The following SLC16A4 variants were observed in gnomAD, a reference collection of about 807,000 sequenced individuals.
SLC16A4 encodes solute carrier family 16 member 4.
A neutral mutation model predicts 47.9 loss-of-function variants in SLC16A4; 39 were observed. The observed-to-expected ratio is 0.81, with a 90% CI of 0.63 to 1.06. The LOEUF (loss-of-function observed/expected upper bound fraction) is 1.06, where lower values mean the gene tolerates loss of function less well. Among genes scored for constraint, SLC16A4 ranks in the 50% least tolerant of loss-of-function variants. The pLI is 0.00. For synonymous variants in SLC16A4, 189 were observed against 199.9 expected (o/e 0.95, Z 0.46); for missense variants, 524 against 573.8 (o/e 0.91, Z 0.89).
chr1:110,389,828 A>C (rs919550674), intron 1 of SLC16A4, among the ~76,000 whole-genome samples: 4 of 152,188 alleles, frequency 2.6e-5, no homozygotes, highest in Non-Finnish European at 4.4e-5. Context: ...GTTCTCACTT[A>C]TAAGTGGGAG....
At chr1:110,380,444 A>G (rs1662309719) in intron 5 of SLC16A4, among the ~76,000 whole-genome samples, 1 of 152,328 alleles carries the variant, frequency 6.6e-6, no homozygotes, top group Non-Finnish European at 1.5e-5. Context: ...TGTGAGTTGA[A>G]TCATTTTTTA....
At chr1:110,389,894 C>A (rs1247548801) in intron 1 of SLC16A4, among the ~76,000 whole-genome samples, 1 of 152,102 alleles carries the variant, frequency 6.6e-6, no homozygotes, top group African/African-American at 2.4e-5. Context: ...CTGGGGACTA[C>A]AAGATAGGGA....
intron 6 of SLC16A4, among the ~76,000 whole-genome samples, chr1:110,377,455 A>G (rs181304236): frequency 2.0e-4 from 30 of 152,330 alleles, no homozygotes; most frequent in African/African-American, 7.0e-4. Context: ...CTGGTTACAG[A>G]GGACCCTGGG....
chr1:110,388,102 A>G (rs545730441), intron 2 of SLC16A4, among the ~76,000 whole-genome samples: 1 of 152,242 alleles, frequency 6.6e-6, no homozygotes, highest in Non-Finnish European at 1.5e-5. Flanking sequence ...TGTCGGCAAG[A>G]AAAGGGTGTT....
At chr1:110,387,617 A>G (rs1662800812) in intron 2 of SLC16A4, among the ~76,000 whole-genome samples, 1 of 152,232 alleles carries the variant, frequency 6.6e-6, no homozygotes, top group African/African-American at 2.4e-5. Context: ...TTTTCCTATC[A>G]GCAACTAAAT....
At chr1:110,383,805 G>GTTTTTTTTTTTTTTTTTTTTTTTT (rs71096348) in intron 2 of SLC16A4, among the ~76,000 whole-genome samples, 1 of 65,740 alleles carries the variant, frequency 1.5e-5, no homozygotes, top group African/African-American at 6.7e-5. Context: ...TTAAAAGGAG[G>GTTTTTTTTTTTTTTTTTTTTTTTT]TTTTTTTTTT....
At chr1:110,390,021 GTACCCCCTGAATCTAAAATA>G (rs1399007020) in intron 1 of SLC16A4, among the ~76,000 whole-genome samples, 1 of 151,990 alleles carries the variant, frequency 6.6e-6, no homozygotes, top group African/African-American at 2.4e-5. Flanking sequence ...ACCTACACAT[GTACCCCCTGAATCTAAAATA>G]AAAGTTGAAA....
At chr1:110,364,499 C>CTTTTT (rs34416973) in intron 8 of SLC16A4, among the ~76,000 whole-genome samples, 11 of 104,670 alleles carry the variant, frequency 1.1e-4, no homozygotes, top group Non-Finnish European at 1.7e-4. Flanking sequence ...AATCTAAATG[C>CTTTTT]TTTTTTTTTT....
In SLC16A4 at chr1:110,378,930, G is replaced by A. The variant is rs1205992885; in HGVS notation, c.953C>T (p.Pro318Leu). ...FLLSQLAYFI[P>L]TFHLVARAKT... ...GGCTCTGGCTACCAGGTGAAAGGTA[G>A]GGATGAAGTATGCTAACTGACTGAG... The change falls in exon 6 of 9, where the codon CCT becomes CTT. Residue 318 changes from proline (P) to leucine (L), a missense_variant. Transcript: ENST00000369779. The A allele has an allele frequency of 1.9e-6, 3 of 1,614,164 alleles. No individual in the cohort carries two copies. Among genetic ancestry groups the A allele is most frequent in the Non-Finnish European group, 2.5e-6 (3 of 1,180,032 alleles).
rs71096348 is a variant in SLC16A4, at chr1:110,383,805, G to GTTTTTTTTT, written c.88-848_88-840dup. 2.4e-3 allele frequency among the ~76,000 whole-genome samples: 157 copies of GTTTTTTTTT among 65,752 alleles called. 6 individuals are homozygous for GTTTTTTTTT. The East Asian group carries it at 0.038, about 16-fold the overall frequency. The allele number at this position is 65,752 out of a possible 152,430, so 43.1% of individuals were successfully genotyped here. ...TTTTGGAAAGGGCTGTTAAAAGGAG[G>GTTTTTTTTT]TTTTTTTTTTTTTTTTTTTTTTTTT... is the stretch of plus-strand genomic sequence containing the variant. On this transcript the variant is annotated intron_variant, in intron 2 of 8. Coordinates refer to ENST00000369779, the MANE Select transcript of SLC16A4 (RefSeq NM_004696.3).
intron 2 of SLC16A4, among the ~76,000 whole-genome samples, chr1:110,388,444 G>A (rs183283486): frequency 9.9e-4 from 151 of 152,332 alleles, no homozygotes; most frequent in African/African-American, 3.5e-3. Flanking sequence ...GGATTGGGAA[G>A]TAGACAGCAG....
rs757467226 is a variant in SLC16A4 at position 110,382,828 on chromosome 1, T to A, written c.220+6A>T. On this transcript the variant is annotated splice_donor_region_variant and intron_variant, in intron 3 of 8. Transcript: ENST00000369779. ...TTAGACAGCAAGCTTATTGCCAGCT[T>A]TATACCTGCACAAAAACGAAGAGAT... 5.0e-6 allele frequency: 8 copies of A among 1,595,630 alleles called. No individual in the cohort carries two copies. Among genetic ancestry groups the A allele is most frequent in the Non-Finnish European group, 6.0e-6 (7 of 1,167,962 alleles).
intron 8 of SLC16A4, among the ~76,000 whole-genome samples, chr1:110,366,905 T>G (rs1179177322): frequency 1.3e-5 from 2 of 152,234 alleles, no homozygotes; most frequent in African/African-American, 4.8e-5. Context: ...CCAGTCATAT[T>G]TGATCATTGA....
chr1:110,372,649 A>G (rs756148585), intron 8 of SLC16A4: 9 of 152,218 alleles, frequency 5.9e-5, no homozygotes, highest in Non-Finnish European at 1.0e-4. Flanking sequence ...ACAGATGGCT[A>G]ATGGCACAGC....
intron 4 of SLC16A4, 82 bp from the exon 5 acceptor site, chr1:110,381,225 A>G: frequency 7.5e-7 from 1 of 1,337,058 alleles, no homozygotes; most frequent in East Asian, 2.4e-5. Flanking sequence ...TGGATCCGAG[A>G]TAATACAGCT....
chr1:110,368,462 C>G (rs1661511577), intron 8 of SLC16A4, among the ~76,000 whole-genome samples: 1 of 152,188 alleles, frequency 6.6e-6, no homozygotes, highest in Admixed American at 6.5e-5. Context: ...TCAGATTTAC[C>G]TGAGATGCAT....
chr1:110,364,004 C>G, intron 8 of SLC16A4, 111 bp from the exon 9 acceptor site: 1 of 1,102,096 alleles, frequency 9.1e-7, no homozygotes, highest in East Asian at 2.7e-5. Context: ...CCCATTTGAA[C>G]TTAGTGAAGC....
chr1:110,388,815 A>G (rs1662868828), intron 2 of SLC16A4, among the ~76,000 whole-genome samples: 1 of 152,254 alleles, frequency 6.6e-6, no homozygotes, highest in Non-Finnish European at 1.5e-5. Flanking sequence ...ATTTCAAGCA[A>G]TTCTCCTGCC....
At chr1:110,366,403 G>A (rs1661401829) in intron 8 of SLC16A4, among the ~76,000 whole-genome samples, 1 of 151,990 alleles carries the variant, frequency 6.6e-6, no homozygotes, top group Non-Finnish European at 1.5e-5. Context: ...CAGGTGATCC[G>A]CCTGCCTCAG....
Sources: allele counts gnomAD v4.1 joint callset (sites outside exome capture counted in the v4.1 genomes callset), GRCh38; gene constraint gnomAD v4.1.1; transcripts MANE v1.5; gene names NCBI Gene and HGNC (gene_info 2026-07-23, HGNC 2026-07-21).